ASIC2: variants seen among roughly 807,000 people sequenced by gnomAD.
ASIC2 encodes acid sensing ion channel subunit 2.
In ASIC2, 25 loss-of-function variants were observed where a neutral mutation model predicts 57.3. The observed-to-expected ratio is 0.44, with a 90% CI of 0.32 to 0.61. ASIC2 has a LOEUF of 0.61. ASIC2 is among the 20% of genes least tolerant of loss of function. The pLI is 0.06. For synonymous variants in ASIC2, 319 were observed against 307.5 expected, an observed-to-expected ratio of 1.04 and a Z score of -0.39; for missense variants, 641 against 738.1, an observed-to-expected ratio of 0.87 and a Z score of 1.52.
intron 1 of ASIC2, among the ~76,000 whole-genome samples, chr17:33,640,533 C>G (rs2142033146): frequency 6.6e-6 from 1 of 152,338 alleles, no homozygotes. Context: ...CAAGGACATA[C>G]AGAGTCCAGA....
intron 1 of ASIC2, among the ~76,000 whole-genome samples, chr17:33,311,122 C>T (rs911070387): frequency 6.6e-6 from 1 of 152,174 alleles, no homozygotes; most frequent in African/African-American, 2.4e-5. Context: ...AGGGAGGCAG[C>T]GCATCCTTAG....
chr17:33,733,995 C>T (rs1036626734), intron 1 of ASIC2, among the ~76,000 whole-genome samples: 3 of 152,204 alleles, frequency 2.0e-5, no homozygotes, highest in Non-Finnish European at 4.4e-5. Flanking sequence ...ACTTCACACC[C>T]TTTCCCCTCC....
chr17:34,096,712 C>T (rs1011302682), intron 1 of ASIC2, among the ~76,000 whole-genome samples: 1 of 151,736 alleles, frequency 6.6e-6, no homozygotes, highest in African/African-American at 2.4e-5. Context: ...AAGAAGTTAG[C>T]CGGGCAGGGT....
intron 1 of ASIC2, among the ~76,000 whole-genome samples, chr17:34,106,351 A>G (rs1017664345): frequency 2.6e-5 from 4 of 151,946 alleles, no homozygotes; most frequent in Non-Finnish European, 5.9e-5. Context: ...TCATCAAAAT[A>G]CCCCTCCCTA....
intron 1 of ASIC2, among the ~76,000 whole-genome samples, chr17:33,254,510 G>T (rs1908990643): frequency 6.6e-6 from 1 of 151,938 alleles, no homozygotes; most frequent in South Asian, 2.1e-4. Flanking sequence ...GCAGGCTTTG[G>T]ATGCACCCAG....
At chr17:33,216,155 T>G (rs532976606) in intron 1 of ASIC2, among the ~76,000 whole-genome samples, 1 of 152,370 alleles carries the variant, frequency 6.6e-6, no homozygotes, top group Admixed American at 6.5e-5. Flanking sequence ...AGGAGACAAG[T>G]GACCTTCACT....
In ASIC2 at chr17:33,911,287, C is replaced by G. The variant is rs1255653961; in HGVS notation, c.555+244691G>C. 2.6e-5 allele frequency among the ~76,000 whole-genome samples: 4 copies of G among 152,124 alleles called. No homozygotes were observed. In the East Asian group the frequency reaches 5.8e-4, roughly 22 times the overall value. On this transcript the variant is annotated intron_variant, in intron 1 of 9. Transcript: ENST00000359872. ...GTTGGTTGAAAGAAGTAGAAAACCC[C>G]ACACTCATGGGAGTTGAAACAGGAT...
intron 1 of ASIC2, among the ~76,000 whole-genome samples, chr17:33,356,730 C>T (rs1908388820): frequency 1.3e-5 from 2 of 152,104 alleles, no homozygotes; most frequent in Non-Finnish European, 2.9e-5. Context: ...CGCCTCAGTC[C>T]CGAGGAGCAT....
chr17:34,116,072 T>C (rs1013139693), intron 1 of ASIC2, among the ~76,000 whole-genome samples: 4 of 152,126 alleles, frequency 2.6e-5, no homozygotes. Flanking sequence ...TGAGAGAGTG[T>C]TGAGAGTATA....
At chr17:33,703,009 T>C (rs1428295944) in intron 1 of ASIC2, among the ~76,000 whole-genome samples, 1 of 152,134 alleles carries the variant, frequency 6.6e-6, no homozygotes, top group African/African-American at 2.4e-5. Context: ...GAAGAGTTCA[T>C]TTTAATAGTG....
intron 1 of ASIC2, among the ~76,000 whole-genome samples, chr17:33,442,973 A>T (rs890163814): frequency 1.3e-5 from 2 of 152,122 alleles, no homozygotes; most frequent in African/African-American, 4.8e-5. Flanking sequence ...TACTGGAAAA[A>T]ATTTTGTCAT....
chr17:34,039,002 G>C, intron 1 of ASIC2: 1 of 1,614,158 alleles, frequency 6.2e-7, no homozygotes, highest in Non-Finnish European at 8.5e-7. Context: ...AAGCGGTCTT[G>C]CATGCTCTTA....
intron 1 of ASIC2, among the ~76,000 whole-genome samples, chr17:33,418,020 ATGTATGTATGTGTGTGTGTGTGTG>A (rs1229978923): frequency 0.032 from 3,705 of 117,542 alleles, 68 homozygotes; most frequent in African/African-American, 0.036. Flanking sequence ...GGCTCTCAGC[ATGTATGTATGTGTGTGTGTGTGTG>A]TGTGTGTGTG....
At chr17:33,148,358 C>A (rs184812879) in intron 1 of ASIC2, among the ~76,000 whole-genome samples, 16 of 152,346 alleles carry the variant, frequency 1.1e-4, no homozygotes, top group African/African-American at 3.6e-4. Context: ...CAGGAAGTGG[C>A]AAAGCCAGGA....
At chr17:33,092,112 C>T (rs1332200320) in intron 2 of ASIC2, among the ~76,000 whole-genome samples, 1 of 152,146 alleles carries the variant, frequency 6.6e-6, no homozygotes, top group Non-Finnish European at 1.5e-5. Context: ...GTCTGGAGTC[C>T]TGGGTAGTTT....
intron 1 of ASIC2, chr17:33,828,571 G>A (rs965707858): frequency 5.9e-5 from 9 of 152,146 alleles, no homozygotes; most frequent in South Asian, 4.1e-4. Context: ...TGGACTCGGC[G>A]CTTCCTCGTC....
chr17:33,267,426 T>A lies in ASIC2; in HGVS notation c.708+23982A>T, dbSNP rs369945800. On this transcript the variant is annotated intron_variant, in intron 1 of 9. Coordinates refer to ENST00000225823, the MANE Select transcript of ASIC2 (RefSeq NM_183377.2). ...ATACAGCTGATGACTGAATCTGATA[T>A]AATCTGACTGTATTAGACTGATGAC... is the stretch of plus-strand genomic sequence containing the variant. 2.0e-5 allele frequency among the ~76,000 whole-genome samples: 3 copies of A among 152,348 alleles called. No individual in the cohort carries two copies. In the South Asian group the frequency reaches 6.2e-4, roughly 32 times the overall value.
intron 1 of ASIC2, among the ~76,000 whole-genome samples, chr17:33,494,811 CAT>C (rs1913875929): frequency 6.6e-6 from 1 of 152,214 alleles, no homozygotes; most frequent in Non-Finnish European, 1.5e-5. Context: ...TATTAGCTCA[CAT>C]GAGCTCTGCA....
chr17:33,230,710 A>G (rs1457035105), intron 1 of ASIC2, among the ~76,000 whole-genome samples: 1 of 151,962 alleles, frequency 6.6e-6, no homozygotes, highest in African/African-American at 2.4e-5. Context: ...GGGGGTAAGA[A>G]GGGGGGTAAG....
Sources: allele counts gnomAD v4.1 joint callset (sites outside exome capture counted in the v4.1 genomes callset), GRCh38; gene constraint gnomAD v4.1.1; transcripts MANE v1.5; gene names NCBI Gene and HGNC (gene_info 2026-07-23, HGNC 2026-07-21).